Variants in IFI44L observed in about 807,000 individuals in gnomAD.
The protein encoded by IFI44L is interferon-induced protein 44-like.
In IFI44L, 40 loss-of-function variants were observed where a neutral mutation model predicts 39.3. The observed-to-expected ratio is 1.02, with a 90% CI of 0.79 to 1.33. The LOEUF (loss-of-function observed/expected upper bound fraction) is 1.33. IFI44L is among the 40% of genes most tolerant of loss of function. The probability of loss-of-function intolerance (pLI) is 0.00; values close to 1 mark genes in which losing one functional copy is unlikely to be tolerated. For synonymous variants in IFI44L, 198 were observed against 182.3 expected, an observed-to-expected ratio of 1.09 and a Z score of -0.69; for missense variants, 623 against 549.0, an observed-to-expected ratio of 1.13 and a Z score of -1.35.
Position 78,629,835 on chromosome 1 carries a change from A to G in IFI44L, c.643A>G (p.Asn215Asp), listed in dbSNP as rs201532306. ...TGGGTCTGGAAAGTCCAGTTTTTTCAATTCAGTCAAGTCTATTTTTCATGG... is the reference window on the plus strand; with the variant it reads ...TGGGTCTGGAAAGTCCAGTTTTTTCGATTCAGTCAAGTCTATTTTTCATGG... ...PVGSGKSSFF[N>D]SVKSIFHGHV... The change falls in exon 4 of 9, where the codon AAT becomes GAT. Residue 215 changes from asparagine (N) to aspartate (D), a missense_variant. Transcript: ENST00000370751. 6.2e-7 allele frequency: 1 copy of G among 1,613,778 alleles called. No individual in the cohort carries two copies. The highest frequency in any genetic ancestry group is 1.7e-5 in the Admixed American group (1 of 59,964).
intron 2 of IFI44L, 38 bp from the exon 3 acceptor site, chr1:78,628,913 G>GT (rs763195327): frequency 7.3e-7 from 1 of 1,369,130 alleles, no homozygotes; most frequent in Admixed American, 1.9e-5. Context: ...AACCAAACAA[G>GT]TTTTAAAAAT....
Position 78,644,353 on chromosome 1 carries a change from T to C in IFI44L, c.*2544T>C, listed in dbSNP as rs1022619175. On this transcript the variant is annotated 3_prime_UTR_variant, in exon 9 of 9. Transcript: ENST00000370751. The stretch of plus-strand genomic sequence containing the variant: ...GAACATTTCATTTGACCCAACATCC[T>C]TTAGGAGCATAAATGTTGACACTAA... The C allele has an allele frequency of 6.6e-6, 1 of 152,194 alleles. No homozygotes were observed. The highest frequency in any genetic ancestry group is 1.9e-4 in the East Asian group (1 of 5,196). 9.4% of individuals were successfully genotyped at this position (152,194 alleles called of 1,614,324 possible). A position where few individuals can be genotyped will look rare whatever the true frequency, so the allele number is the denominator to read the frequency against.
Position 78,637,076 on chromosome 1 carries a change from C to T in IFI44L, c.921C>T (p.Ile307=). Residue 307 remains isoleucine (I), a synonymous_variant, in exon 6 of 9, where the codon ATC becomes ATT. Transcript: ENST00000370751. ...KPITPEHSTF[I]TSPSLKDRIH... Reference sequence around the variant, plus strand: ...TTACACCTGAGCATTCTACTTTTATCACCTCTCCATCTCTGAAGGACAGGA... The same window carrying T: ...TTACACCTGAGCATTCTACTTTTATTACCTCTCCATCTCTGAAGGACAGGA... 1.2e-6 allele frequency: 2 copies of T among 1,611,794 alleles called. No individual in the cohort carries two copies. The highest frequency in any genetic ancestry group is 1.7e-6 in the Non-Finnish European group (2 of 1,178,120).
Position 78,629,843 on chromosome 1 carries a change from C to A in IFI44L, c.651C>A (p.Val217=). 6.2e-7 allele frequency: 1 copy of A among 1,613,716 alleles called. No individual in the cohort carries two copies. The highest frequency in any genetic ancestry group is 1.1e-5 in the South Asian group (1 of 91,068). ...GAAAGTCCAGTTTTTTCAATTCAGT[C>A]AAGTCTATTTTTCATGGCCATGTGA... The part of the protein sequence containing the change: ...GSGKSSFFNS[V]KSIFHGHVTG... Residue 217 remains valine (V), a synonymous_variant, in exon 4 of 9, where the codon GTC becomes GTA. Coordinates refer to ENST00000370751, the MANE Select transcript of IFI44L (RefSeq NM_006820.4).
chr1:78,631,024 T>C (rs1411838160), intron 4 of IFI44L, among the ~76,000 whole-genome samples: 1 of 152,156 alleles, frequency 6.6e-6, no homozygotes, highest in African/African-American at 2.4e-5. Flanking sequence ...TTGTGATATA[T>C]GCTATAATAG....
rs1297262700 is a variant in IFI44L, at chr1:78,643,745, T to C, written c.*1936T>C. 1 of 151,178 alleles carries C rather than the reference T, an allele frequency of 6.6e-6. No individual in the cohort carries two copies. Among genetic ancestry groups the C allele is most frequent in the Non-Finnish European group, 1.5e-5 (1 of 67,830 alleles). The allele number at this position is 151,178 out of a possible 1,614,324, so 9.4% of individuals were successfully genotyped here. On this transcript the variant is annotated 3_prime_UTR_variant, in exon 9 of 9. Coordinates refer to ENST00000370751, the MANE Select transcript of IFI44L (RefSeq NM_006820.4). ...AGCAGACCCATGGGATTCCAAGATC[T>C]GGAAAACTTTTTAGATAGAAACTTG...
chr1:78,636,413 A>G (rs989221673), intron 5 of IFI44L, among the ~76,000 whole-genome samples: 2 of 152,100 alleles, frequency 1.3e-5, no homozygotes, highest in Non-Finnish European at 2.9e-5. Flanking sequence ...GAGCCAGTCA[A>G]TTCAGTCCAA....
intron 4 of IFI44L, among the ~76,000 whole-genome samples, chr1:78,634,607 A>C (rs1324252385): frequency 6.6e-6 from 1 of 152,184 alleles, no homozygotes; most frequent in Non-Finnish European, 1.5e-5. Context: ...AGCTGAAAGA[A>C]AAGGATGCTA....
chr1:78,629,654 A>C (rs273256), intron 3 of IFI44L, 66 bp from the exon 4 acceptor site: 426,800 of 1,156,252 alleles, frequency 0.37, 83,711 homozygotes, highest in East Asian at 0.78. Flanking sequence ...AGGTGACTTG[A>C]GATGTTCTTT....
In IFI44L at chr1:78,629,857, A is replaced by G. The variant is rs1291040365; in HGVS notation, c.665A>G (p.His222Arg). The change falls in exon 4 of 9, where the codon CAT becomes CGT. Residue 222 changes from histidine (H) to arginine (R), a missense_variant. Coordinates refer to ENST00000370751, the MANE Select transcript of IFI44L (RefSeq NM_006820.4). ...SFFNSVKSIF[H>R]GHVTGQAVVG... ...TTCAATTCAGTCAAGTCTATTTTTC[A>G]TGGCCATGTGACTGGCCAAGCCGTA... 3 of 1,613,772 alleles carry G rather than the reference A, an allele frequency of 1.9e-6. No homozygotes were observed. The highest frequency in any genetic ancestry group is 1.1e-5 in the South Asian group (1 of 91,082).
intron 1 of IFI44L, among the ~76,000 whole-genome samples, chr1:78,624,389 T>C (rs1423541999): frequency 6.6e-6 from 1 of 152,242 alleles, no homozygotes; most frequent in Non-Finnish European, 1.5e-5. Context: ...GTTAATTTTC[T>C]AGATTTTCTG....
intron 8 of IFI44L, 64 bp from the exon 9 acceptor site, chr1:78,641,711 C>A (rs1214661234): frequency 6.8e-6 from 11 of 1,607,572 alleles, no homozygotes; most frequent in Admixed American, 1.7e-5. Context: ...ACCTGCATGC[C>A]CTAGTCCTGA....
intron 4 of IFI44L, chr1:78,631,359 C>G (rs1386338380): frequency 1.3e-5 from 2 of 152,042 alleles, no homozygotes; most frequent in Non-Finnish European, 2.9e-5. Context: ...ACTGGTAAGT[C>G]CTATTCTCCT....
At position 78,641,897 on chromosome 1, in the gene IFI44L, T is replaced by A. The variant is rs1300008424; in HGVS notation, c.*88T>A. On this transcript the variant is annotated 3_prime_UTR_variant, in exon 9 of 9. Coordinates refer to ENST00000370751, the MANE Select transcript of IFI44L (RefSeq NM_006820.4). ...ATCTCTATTGACAGCCTGCTTCAGA[T>A]TTTGCTTTTGTTCGTTTTGCCTTCT... 3.4e-6 allele frequency: 5 copies of A among 1,473,024 alleles called. No individual in the cohort carries two copies. Among genetic ancestry groups the A allele is most frequent in the Admixed American group, 1.7e-5 (1 of 59,724 alleles). 91.2% of individuals were successfully genotyped at this position (1,473,024 alleles called of 1,614,324 possible).
intron 4 of IFI44L, among the ~76,000 whole-genome samples, chr1:78,635,000 A>ATATG (rs1553172546): frequency 2.0e-4 from 23 of 117,918 alleles, no homozygotes; most frequent in East Asian, 9.0e-4. Flanking sequence ...ATATATATAT[A>ATATG]TGTGTGTGTG....
chr1:78,628,346 T>C lies in IFI44L; in HGVS notation c.431T>C (p.Phe144Ser), dbSNP rs904084367. Residue 144 changes from phenylalanine (F) to serine (S), a missense_variant, in exon 2 of 9, where the codon TTT (phenylalanine) becomes TCT (serine). Phe to Ser is a radical substitution (Grantham distance 155). Transcript: ENST00000370751. ...KMITRNLKLRFYGHRQYLECE... is the reference protein window; with the variant it reads ...KMITRNLKLRSYGHRQYLECE... ...ATAACAAGAAACTTGAAACTAAGGT[T>C]TTATGGCCACCGTCAGTATTTGGAA... The C allele has an allele frequency of 6.3e-7, 1 of 1,594,496 alleles. No individual in the cohort carries two copies. The highest frequency in any genetic ancestry group is 1.7e-4 in the Middle Eastern group (1 of 5,744).
chr1:78,628,407 G>C lies in IFI44L; in HGVS notation c.478+14G>C. The C allele has an allele frequency of 1.5e-6, 2 of 1,355,360 alleles. No homozygotes were observed. Among genetic ancestry groups the C allele is most frequent in the Non-Finnish European group, 2.0e-6 (2 of 977,914 alleles). The allele number at this position is 1,355,360 out of a possible 1,614,324, so 84.0% of individuals were successfully genotyped here. On this transcript the variant is annotated intron_variant, in intron 2 of 8. Transcript: ENST00000370751. Reference sequence around the variant, plus strand: ...TTCGAGTTGAAGGTTTGTAAAATTAGATAATCCTACATCTCACATTATGAT... The same window carrying C: ...TTCGAGTTGAAGGTTTGTAAAATTACATAATCCTACATCTCACATTATGAT...
chr1:78,633,981 A>T (rs1652847925), intron 4 of IFI44L, among the ~76,000 whole-genome samples: 1 of 152,148 alleles, frequency 6.6e-6, no homozygotes, highest in Admixed American at 6.5e-5. Flanking sequence ...GATCAAGTAG[A>T]AGAGTCTGTG....
intron 6 of IFI44L, among the ~76,000 whole-genome samples, chr1:78,637,772 A>T (rs993193896): frequency 1.8e-4 from 28 of 152,128 alleles, no homozygotes; most frequent in African/African-American, 6.8e-4. Context: ...TTTGACATCC[A>T]TCCAAGATGT....
Sources: gnomAD v4.1 joint callset for allele counts (sites outside exome capture counted in the v4.1 genomes callset) on GRCh38, gnomAD v4.1.1 for gene constraint, MANE v1.5 for transcripts, NCBI Gene and HGNC (gene_info 2026-07-23, HGNC 2026-07-21) for gene names.